SNAPIN: variants seen among roughly 807,000 people sequenced by gnomAD.
SNAPIN encodes SNAP associated protein, also known as SNARE-associated protein Snapin.
A neutral mutation model predicts 15.9 loss-of-function variants in SNAPIN; 16 were observed. The observed-to-expected ratio is 1.01, with a 90% CI of 0.68 to 1.53. The LOEUF is 1.53. SNAPIN is among the 40% of genes most tolerant of loss of function. The pLI, the probability that SNAPIN is intolerant of heterozygous loss-of-function variation, is 0.00. For missense variants in SNAPIN, 186 were observed against 180.1 expected, an observed-to-expected ratio of 1.03 and a Z score of -0.19; for synonymous variants, 83 against 76.2, an observed-to-expected ratio of 1.09 and a Z score of -0.46.
intron 1 of SNAPIN, 77 bp from the exon 2 acceptor site, chr1:153,659,061 T>G: frequency 6.3e-7 from 1 of 1,575,496 alleles, no homozygotes; most frequent in South Asian, 1.1e-5. Flanking sequence ...CTCTCAGTAC[T>G]TGGTAAATAC....
At chr1:153,659,745 C>T (rs1052669332) in intron 3 of SNAPIN, among the ~76,000 whole-genome samples, 179 bp downstream of exon 3, 2 of 152,010 alleles carry the variant, frequency 1.3e-5, no homozygotes, top group Admixed American at 1.3e-4. Flanking sequence ...CATTTACATT[C>T]TTGTGTGTGT....
rs1348517840 is a variant in SNAPIN at position 153,659,936 on chromosome 1, T to C, written c.309+370T>C. 4.6e-5 allele frequency among the ~76,000 whole-genome samples: 7 copies of C among 152,282 alleles called. 1 individual carries two copies. Among genetic ancestry groups the C allele is most frequent in the African/African-American group, 1.7e-4 (7 of 41,580 alleles). On this transcript the variant is annotated intron_variant, in intron 3 of 3. Transcript: ENST00000368685. ...TTTTTGTAGAAGTAGGGTTTCTCCA[T>C]GTTGCCCAGGCTGGTCTGGAACTCC...
chr1:153,660,329 G>GA (rs1669115259), intron 3 of SNAPIN, among the ~76,000 whole-genome samples: 1 of 118,384 alleles, frequency 8.4e-6, no homozygotes, highest in Non-Finnish European at 1.7e-5. Context: ...GGCCTGCCTG[G>GA]CCTTTTTTTT....
In SNAPIN at chr1:153,661,382, A is replaced by G; in HGVS notation, c.*81A>G. 1 of 1,068,938 alleles carries G rather than the reference A, an allele frequency of 9.4e-7. No individual in the cohort carries two copies. The highest frequency in any genetic ancestry group is 1.3e-5 in the South Asian group (1 of 76,556). The allele number at this position is 1,068,938 out of a possible 1,614,324, so 66.2% of individuals were successfully genotyped here. On this transcript the variant is annotated 3_prime_UTR_variant, in exon 4 of 4. Transcript: ENST00000368685. ...AACAGACATGCAAAGATCCTAGGAG[A>G]CAGTCCCCATAGACCTTCAGACATT...
At chr1:153,659,334 T>C in intron 2 of SNAPIN, 114 bp from the exon 3 acceptor site, 1 of 1,220,362 alleles carries the variant, frequency 8.2e-7, no homozygotes, top group South Asian at 1.2e-5. Context: ...CTTAAATCTC[T>C]AATGGCTGTG....
In SNAPIN at chr1:153,661,249, G is replaced by A; in HGVS notation, c.359G>A (p.Arg120Lys). 1 of 1,613,834 alleles carries A rather than the reference G, an allele frequency of 6.2e-7. No individual in the cohort carries two copies. Among genetic ancestry groups the A allele is most frequent in the Non-Finnish European group, 8.5e-7 (1 of 1,179,838 alleles). Residue 120 changes from arginine (R) to lysine (K), a missense_variant, in exon 4 of 4, where the codon AGG becomes AAG. Coordinates refer to ENST00000368685, the MANE Select transcript of SNAPIN (RefSeq NM_012437.6). ...NHSVAKETAR[R>K]RAMLDSGIYP... ...AGTGTTGCCAAGGAAACAGCCCGCAGGAGAGCAATGCTGGATTCGGGAATT... is the reference window on the plus strand; with the variant it reads ...AGTGTTGCCAAGGAAACAGCCCGCAAGAGAGCAATGCTGGATTCGGGAATT...
intron 3 of SNAPIN, among the ~76,000 whole-genome samples, chr1:153,660,943 T>C (rs577868081): frequency 1.3e-4 from 20 of 152,176 alleles, no homozygotes; most frequent in Admixed American, 1.3e-3. Flanking sequence ...AATTTTTTTG[T>C]ATTTTTTAGT....
At chr1:153,659,253 C>G in intron 2 of SNAPIN, 69 bp downstream of exon 2, 1 of 1,538,896 alleles carries the variant, frequency 6.5e-7, no homozygotes, top group South Asian at 1.1e-5. Flanking sequence ...TTTGCCAACC[C>G]CTGGGCTGAG....
intron 3 of SNAPIN, among the ~76,000 whole-genome samples, chr1:153,660,787 T>C (rs1571331767): frequency 3.8e-5 from 1 of 26,610 alleles, no homozygotes. Context: ...CTGGCCTACA[T>C]TTTTTTTTTT....
At chr1:153,660,950 T>C (rs1236378790) in intron 3 of SNAPIN, among the ~76,000 whole-genome samples, 1 of 152,010 alleles carries the variant, frequency 6.6e-6, no homozygotes, top group Non-Finnish European at 1.5e-5. Flanking sequence ...TTGTATTTTT[T>C]AGTAGAGACG....
intron 1 of SNAPIN, 40 bp from the exon 2 acceptor site, chr1:153,659,098 G>A (rs1669087422): frequency 1.2e-6 from 2 of 1,611,220 alleles, no homozygotes; most frequent in South Asian, 1.1e-5. Context: ...CCTGAGCTCC[G>A]GTAACTGCCT....
intron 3 of SNAPIN, among the ~76,000 whole-genome samples, chr1:153,659,864 G>C (rs992866680): frequency 1.3e-5 from 2 of 152,068 alleles, no homozygotes; most frequent in African/African-American, 4.8e-5. Context: ...CGCCTCCCGA[G>C]TAACTAGGAC....
intron 1 of SNAPIN, 116 bp downstream of exon 1, chr1:153,659,002 G>A (rs1317831296): frequency 1.3e-6 from 2 of 1,572,890 alleles, no homozygotes; most frequent in African/African-American, 2.7e-5. Context: ...TCGAGGCGGG[G>A]AGGACAGGCG....
At chr1:153,660,676 C>T (rs1164876690) in intron 3 of SNAPIN, among the ~76,000 whole-genome samples, 3 of 140,854 alleles carry the variant, frequency 2.1e-5, no homozygotes, top group African/African-American at 8.2e-5. Context: ...AAAAAAAAGA[C>T]AGGCTATCAC....
Position 153,659,561 on chromosome 1 carries a change from G to A in SNAPIN, c.304G>A (p.Ala102Thr). The A allele has an allele frequency of 6.2e-7, 1 of 1,607,138 alleles. No individual in the cohort carries two copies. Among genetic ancestry groups the A allele is most frequent in the Non-Finnish European group, 8.5e-7 (1 of 1,173,682 alleles). The change falls in exon 3 of 4, where the codon GCT becomes ACT. Residue 102 changes from alanine to threonine, a missense_variant. Ala to Thr is a moderately conservative substitution (Grantham distance 58, BLOSUM62 0). Coordinates refer to ENST00000368685, the MANE Select transcript of SNAPIN (RefSeq NM_012437.6). ...VVLVNNILQNAQERLRRLNHS... is the reference protein window; with the variant it reads ...VVLVNNILQNTQERLRRLNHS... Reference sequence around the variant, plus strand: ...CTTGGTTAACAACATTCTACAGAATGCTCAGGTAAAAGAATATCTTACCAA... The same window carrying A: ...CTTGGTTAACAACATTCTACAGAATACTCAGGTAAAAGAATATCTTACCAA...
rs961649691 is a variant in SNAPIN, at chr1:153,658,781, G to T, written c.38G>T (p.Gly13Val). Residue 13 changes from glycine (G) to valine (V), a missense_variant, in exon 1 of 4, where the codon GGG becomes GTG. Physicochemically the swap from Gly to Val is moderately radical, Grantham distance 109. Transcript: ENST00000368685. ...GGTTCCGCCGCTGTATCGGGGGCAG[G>T]GACCCCGGTGGCGGGGCCCACAGGC... Reference protein sequence around the residue: ...GAGSAAVSGAGTPVAGPTGRD... With the variant: ...GAGSAAVSGAVTPVAGPTGRD... 1.3e-6 allele frequency: 2 copies of T among 1,582,588 alleles called. No individual in the cohort carries two copies. The highest frequency in any genetic ancestry group is 2.7e-5 in the African/African-American group (2 of 72,856).
chr1:153,658,718 G>A lies in SNAPIN; in HGVS notation c.-26G>A. ...CCGGTTCCCGGCGGCCCTCGCGGCA[G>A]GTTTCGGGCTTCAGGACAATTCGTG... On this transcript the variant is annotated 5_prime_UTR_variant, in exon 1 of 4. Coordinates refer to ENST00000368685, the MANE Select transcript of SNAPIN (RefSeq NM_012437.6). The A allele has an allele frequency of 6.6e-7, 1 of 1,509,050 alleles. No homozygotes were observed. Among genetic ancestry groups the A allele is most frequent in the Non-Finnish European group, 8.8e-7 (1 of 1,136,464 alleles). The allele number at this position is 1,509,050 out of a possible 1,614,324, so 93.5% of individuals were successfully genotyped here.
At chr1:153,658,685 G>C (rs868037587), upstream of SNAPIN, 1 of 1,473,912 alleles carries the variant, frequency 6.8e-7, no homozygotes, top group Non-Finnish European at 8.9e-7. Context: ...GGGCAGTGCG[G>C]CGCGGCTCCG....
chr1:153,658,788 G>A lies in SNAPIN; in HGVS notation c.45G>A (p.Pro15=). The A allele has an allele frequency of 6.3e-7, 1 of 1,585,084 alleles. No homozygotes were observed. The highest frequency in any genetic ancestry group is 1.1e-5 in the South Asian group (1 of 87,918). Reference sequence around the variant, plus strand: ...CCGCTGTATCGGGGGCAGGGACCCCGGTGGCGGGGCCCACAGGCCGCGACC... The same window carrying A: ...CCGCTGTATCGGGGGCAGGGACCCCAGTGGCGGGGCCCACAGGCCGCGACC... ...GSAAVSGAGT[P]VAGPTGRDLF... is the part of the protein sequence containing the mutation. The change falls in exon 1 of 4, where the codon CCG becomes CCA. Residue 15 remains proline (P), a synonymous_variant. Transcript: ENST00000368685.
Sources: gnomAD v4.1 joint callset for allele counts (sites outside exome capture counted in the v4.1 genomes callset) on GRCh38, gnomAD v4.1.1 for gene constraint, MANE v1.5 for transcripts, NCBI Gene and HGNC (gene_info 2026-07-23, HGNC 2026-07-21) for gene names.